The following NPSR1 variants were observed in gnomAD, a reference collection of about 807,000 sequenced individuals.
NPSR1 encodes the protein neuropeptide S receptor.
A neutral mutation model predicts 46.9 loss-of-function variants in NPSR1; 48 were observed. The observed-to-expected ratio is 1.02, with a 90% CI of 0.81 to 1.30. NPSR1 has a LOEUF of 1.30. NPSR1 is among the 50% of genes most tolerant of loss of function. The probability of loss-of-function intolerance (pLI) is 0.00; values close to 1 mark genes in which losing one functional copy is unlikely to be tolerated. For missense variants in NPSR1, 450 were observed against 449.5 expected (o/e 1.00, Z -0.01); for synonymous variants, 176 against 168.1 (o/e 1.05, Z -0.36).
chr7:34,840,069 G>A (rs573109914), intron 6 of NPSR1, among the ~76,000 whole-genome samples: 1 of 152,166 alleles, frequency 6.6e-6, no homozygotes, highest in South Asian at 2.1e-4. Context: ...TATAGAAAGG[G>A]CTATCTGGTG....
intron 8 of NPSR1, among the ~76,000 whole-genome samples, chr7:34,875,570 G>A (rs2128771184): frequency 6.6e-6 from 1 of 152,274 alleles, no homozygotes; most frequent in South Asian, 2.1e-4. Flanking sequence ...CCCCAAATGT[G>A]AGGCAACGAA....
At chr7:34,787,750 A>G (rs1787529937) in intron 3 of NPSR1, among the ~76,000 whole-genome samples, 1 of 152,122 alleles carries the variant, frequency 6.6e-6, no homozygotes, top group Non-Finnish European at 1.5e-5. Context: ...TGGAGGAACA[A>G]CCAGTTGGTG....
At chr7:34,684,989 G>A (rs118079047) in intron 2 of NPSR1, among the ~76,000 whole-genome samples, 2,735 of 152,206 alleles carry the variant, frequency 0.018, 37 homozygotes, top group Middle Eastern at 0.037. Flanking sequence ...GTTCACTAAG[G>A]TGATATTACC....
chr7:34,693,610 G>T (rs1237147155), intron 2 of NPSR1, among the ~76,000 whole-genome samples: 1 of 152,084 alleles, frequency 6.6e-6, no homozygotes, highest in Non-Finnish European at 1.5e-5. Flanking sequence ...TCCAAAACAT[G>T]AATGTGAAGC....
intron 8 of NPSR1, among the ~76,000 whole-genome samples, chr7:34,876,856 A>G (rs1791587423): frequency 6.6e-6 from 1 of 152,240 alleles, no homozygotes; most frequent in South Asian, 2.1e-4. Context: ...ATGCTCTGAC[A>G]GCAGAAAAAG....
intron 3 of NPSR1, among the ~76,000 whole-genome samples, chr7:34,788,070 A>G (rs76320574): frequency 6.6e-6 from 1 of 152,154 alleles, no homozygotes; most frequent in African/African-American, 2.4e-5. Flanking sequence ...AAAATGAGGT[A>G]TATTTGTAGT....
At chr7:34,845,586 C>T in intron 7 of NPSR1, 1 of 455,850 alleles carries the variant, frequency 2.2e-6, no homozygotes, top group South Asian at 1.6e-5. Context: ...CTGAGGGCTC[C>T]TTGATAAGTC....
At chr7:34,671,188 C>T (rs1231792753) in intron 1 of NPSR1, among the ~76,000 whole-genome samples, 1 of 151,614 alleles carries the variant, frequency 6.6e-6, no homozygotes. Flanking sequence ...TTTAAAAGCA[C>T]AATAAATATA....
chr7:34,867,470 T>C (rs538191646), intron 8 of NPSR1, among the ~76,000 whole-genome samples: 1 of 151,948 alleles, frequency 6.6e-6, no homozygotes, highest in African/African-American at 2.4e-5. Flanking sequence ...GAACAGGCAA[T>C]TGGCCAGGCC....
intron 2 of NPSR1, among the ~76,000 whole-genome samples, chr7:34,757,663 A>T (rs923645002): frequency 6.6e-6 from 1 of 152,148 alleles, no homozygotes; most frequent in East Asian, 1.9e-4. Flanking sequence ...TGCCTTGATC[A>T]GCCACCCACT....
At chr7:34,672,936 T>C (rs1021576334) in intron 1 of NPSR1, among the ~76,000 whole-genome samples, 3 of 152,198 alleles carry the variant, frequency 2.0e-5, no homozygotes, top group African/African-American at 7.2e-5. Context: ...AGCTTGCTCA[T>C]TGTAAACCTT....
intron 4 of NPSR1, among the ~76,000 whole-genome samples, chr7:34,818,375 C>A (rs1789363592): frequency 6.6e-6 from 1 of 152,014 alleles, no homozygotes; most frequent in South Asian, 2.1e-4. Flanking sequence ...TGTGAAGGAC[C>A]TTTTCAAGGA....
intron 2 of NPSR1, among the ~76,000 whole-genome samples, chr7:34,726,910 C>T (rs1004062473): frequency 5.3e-5 from 8 of 151,248 alleles, no homozygotes; most frequent in African/African-American, 1.9e-4. Context: ...GGCAGTGAAA[C>T]TATTTCATAT....
intron 1 of NPSR1, among the ~76,000 whole-genome samples, chr7:34,668,303 A>T (rs1248413177): frequency 2.0e-5 from 3 of 152,284 alleles, no homozygotes; most frequent in Non-Finnish European, 4.4e-5. Flanking sequence ...GTAGACTCTA[A>T]CCCTTAGCAA....
chr7:34,805,952 T>C (rs548368626), intron 3 of NPSR1, among the ~76,000 whole-genome samples: 67 of 151,822 alleles, frequency 4.4e-4, no homozygotes, highest in African/African-American at 1.6e-3. Flanking sequence ...CATTAGGGAA[T>C]TGCAAATTAA....
At chr7:34,856,165 A>C (rs1459901413) in intron 8 of NPSR1, among the ~76,000 whole-genome samples, 2 of 148,470 alleles carry the variant, frequency 1.3e-5, no homozygotes, top group Admixed American at 1.3e-4. Flanking sequence ...TAAAACAAGA[A>C]AAAAAAATAA....
chr7:34,793,374 C>A (rs1231492733), intron 3 of NPSR1, among the ~76,000 whole-genome samples: 2 of 151,916 alleles, frequency 1.3e-5, no homozygotes, highest in African/African-American at 4.8e-5. Context: ...AAAAAATAAA[C>A]CCAATCCAAA....
At chr7:34,768,748 C>A (rs544350069) in intron 2 of NPSR1, among the ~76,000 whole-genome samples, 1 of 152,164 alleles carries the variant, frequency 6.6e-6, no homozygotes, top group African/African-American at 2.4e-5. Context: ...TAGGAAACTG[C>A]GGAAGTTCAA....
chr7:34,814,655 C>T (rs34221062), intron 4 of NPSR1, among the ~76,000 whole-genome samples: 10,024 of 152,246 alleles, frequency 0.066, 939 homozygotes, highest in African/African-American at 0.21. Flanking sequence ...CCAACAGACA[C>T]CTCATATAGG....
Sources: allele counts gnomAD v4.1 joint callset (sites outside exome capture counted in the v4.1 genomes callset), GRCh38; gene constraint gnomAD v4.1.1; transcripts MANE v1.5; gene names NCBI Gene and HGNC (gene_info 2026-07-23, HGNC 2026-07-21).